TST: variants seen among roughly 807,000 people sequenced by gnomAD.
TST encodes thiosulfate sulfurtransferase.
A neutral mutation model predicts 20.4 loss-of-function variants in TST; 22 were observed. That is an observed-to-expected ratio of 1.08 (90% CI 0.77 to 1.54). The LOEUF is 1.54. Among genes scored for constraint, TST ranks in the 40% most tolerant of loss-of-function variants. TST has a pLI of 0.00. For missense variants in TST, 392 were observed against 405.2 expected, an observed-to-expected ratio of 0.97 and a Z score of 0.28; for synonymous variants, 187 against 173.8, an observed-to-expected ratio of 1.08 and a Z score of -0.60.
At chr22:37,016,915 G>T (rs142856787) in intron 2 of TST, among the ~76,000 whole-genome samples, 265 of 152,370 alleles carry the variant, frequency 1.7e-3, no homozygotes, top group African/African-American at 6.2e-3. Context: ...CCTCTGTCAG[G>T]TGAGGTCACC....
chr22:37,014,226 C>T (rs1196171115), intron 2 of TST, among the ~76,000 whole-genome samples: 2 of 152,294 alleles, frequency 1.3e-5, no homozygotes, highest in South Asian at 2.1e-4. Flanking sequence ...AAAAATCAGC[C>T]AGGTGTGGTG....
rs755230698 is a variant in TST at position 37,011,072 on chromosome 22, G to A, written c.849C>T (p.Ala283=). 29 of 1,612,210 alleles carry A rather than the reference G, an allele frequency of 1.8e-5. No individual in the cohort carries two copies. The South Asian group carries it at 3.1e-4, about 17-fold the overall frequency. The change falls in exon 3 of 3, where the codon GCC becomes GCT. Residue 283 remains alanine, a synonymous_variant. Transcript: ENST00000249042. ...CCTGGGACACACGGCTCTCTGGGGG[G>A]GCCCGGCGAAACCACTCGGACCAGG... The part of the protein sequence containing the change: ...DGSWSEWFRR[A]PPESRVSQGK...
intron 2 of TST, among the ~76,000 whole-genome samples, chr22:37,015,392 CT>C: frequency 6.6e-6 from 1 of 152,376 alleles, no homozygotes; most frequent in African/African-American, 2.4e-5. Context: ...TAAACTCCTA[CT>C]CTGCCTCTCT....
chr22:37,019,795 A>G (rs1404929964), upstream of TST: 7 of 1,038,750 alleles, frequency 6.7e-6, no homozygotes, highest in African/African-American at 1.6e-5. Flanking sequence ...GGAGGAGGGG[A>G]CAGCTGCGGG....
rs368530164 is a variant in TST, at chr22:37,018,217, A to G, written c.516T>C (p.Leu172=). ...CCACCAGCTGGAACCTCTTAGATTC[A>G]AGGTTCTCCAGCACCTGCTCGTAGG... ...LKTYEQVLEN[L]ESKRFQLVDS... Residue 172 remains leucine, a synonymous_variant, in exon 2 of 3, where the codon CTT becomes CTC. Transcript: ENST00000249042. 1.9e-5 allele frequency: 30 copies of G among 1,613,460 alleles called. No homozygotes were observed. Among genetic ancestry groups the G allele is most frequent in the Non-Finnish European group, 2.4e-5 (28 of 1,179,876 alleles).
intron 2 of TST, among the ~76,000 whole-genome samples, chr22:37,015,877 C>A (rs534202439): frequency 1.3e-5 from 2 of 151,828 alleles, no homozygotes; most frequent in Admixed American, 1.3e-4. Context: ...AAGTGCCACA[C>A]CCTCCAGGAT....
intron 2 of TST, chr22:37,013,185 G>A (rs5756482): frequency 0.45 from 67,751 of 152,012 alleles, 15,338 homozygotes; most frequent in Middle Eastern, 0.55. Context: ...CTTTCACCCC[G>A]GGGCCAAAGA....
At chr22:37,018,821 G>A in intron 1 of TST, 68 bp from the exon 2 acceptor site, 1 of 1,126,610 alleles carries the variant, frequency 8.9e-7, no homozygotes, top group Non-Finnish European at 1.2e-6. Flanking sequence ...GCAGTAGGGT[G>A]AGGCCTGGGA....
chr22:37,011,418 G>A (rs373041919), intron 2 of TST, 93 bp from the exon 3 acceptor site: 16 of 1,338,100 alleles, frequency 1.2e-5, no homozygotes, highest in East Asian at 7.0e-5. Flanking sequence ...TGGAAGGATA[G>A]ATAGCTTTGC....
rs369760592 is a variant in TST at position 37,011,581 on chromosome 22, C to T, written c.596-256G>A. Among the ~76,000 whole-genome samples the T allele has an allele frequency of 5.9e-5, 9 of 152,158 alleles. 1 individual carries two copies. The highest frequency in any genetic ancestry group is 2.1e-4 in the South Asian group (1 of 4,832). Reference sequence around the variant, plus strand: ...AAATCACACCTGCTTGAGAAGACAGCGGCATGAGTCTCAGCTCCACTAACC... The same window carrying T: ...AAATCACACCTGCTTGAGAAGACAGTGGCATGAGTCTCAGCTCCACTAACC... On this transcript the variant is annotated intron_variant, in intron 2 of 2. Transcript: ENST00000249042.
chr22:37,016,275 CAT>C (rs1488244104), intron 2 of TST, among the ~76,000 whole-genome samples: 1 of 152,056 alleles, frequency 6.6e-6, no homozygotes, highest in African/African-American at 2.4e-5. Flanking sequence ...AATGCATACT[CAT>C]GTGGGTAGGG....
chr22:37,019,060 G>T, intron 1 of TST: 1 of 273,602 alleles, frequency 3.7e-6, no homozygotes, highest in Admixed American at 4.8e-5. Flanking sequence ...TACAGTACTC[G>T]ATCCCGCCAG....
chr22:37,018,294 G>A lies in TST; in HGVS notation c.439C>T (p.Arg147Cys), dbSNP rs1357489255. The change falls in exon 2 of 3, where the codon CGC (arginine) becomes TGC (cysteine). Residue 147 changes from arginine to cysteine, a missense_variant. Coordinates refer to ENST00000249042, the MANE Select transcript of TST (RefSeq NM_003312.6). ...EGHPVTSEPSRPEPAVFKATL... is the reference protein window; with the variant it reads ...EGHPVTSEPSCPEPAVFKATL... ...GCTTTGAAGACGGCCGGTTCTGGGC[G>A]TGAGGGCTCGGATGTCACCGGGTGG... 9 of 1,614,102 alleles carry A rather than the reference G, an allele frequency of 5.6e-6. No individual in the cohort carries two copies. The highest frequency in any genetic ancestry group is 1.7e-5 in the Admixed American group (1 of 60,024).
chr22:37,019,889 G>C (rs1922926253), upstream of TST: 8 of 1,202,748 alleles, frequency 6.7e-6, no homozygotes, highest in Non-Finnish European at 8.4e-6. Flanking sequence ...GCCGCGGCGT[G>C]GCGGCTTGCC....
At position 37,011,058 on chromosome 22, in the gene TST, C is replaced by T. The variant is rs368128835; in HGVS notation, c.863G>A (p.Arg288His). The change falls in exon 3 of 3, where the codon CGT (arginine) becomes CAT (histidine). Residue 288 changes from arginine (R) to histidine (H), a missense_variant. Transcript: ENST00000249042. ...CTTCTCAGACTTTCCCTGGGACACA[C>T]GGCTCTCTGGGGGGGCCCGGCGAAA... ...EWFRRAPPES[R>H]VSQGKSEKA The T allele has an allele frequency of 5.3e-5, 86 of 1,611,346 alleles. No homozygotes were observed. The highest frequency in any genetic ancestry group is 9.9e-5 in the South Asian group (9 of 90,978).
chr22:37,018,042 A>C (rs1922753115), intron 2 of TST, 96 bp downstream of exon 2: 1 of 946,060 alleles, frequency 1.1e-6, no homozygotes, highest in African/African-American at 1.7e-5. Flanking sequence ...GATTGAAGGC[A>C]TGGGACGGAC....
At position 37,011,024 on chromosome 22, in the gene TST, G is replaced by C. The variant is rs984690171; in HGVS notation, c.*3C>G. ...AGTTACAGTAAGCAGAAGAGGTCAC[G>C]GCTCAGGCCTTCTCAGACTTTCCCT... is the stretch of plus-strand genomic sequence containing the variant. On this transcript the variant is annotated 3_prime_UTR_variant, in exon 3 of 3. Transcript: ENST00000249042. 6.2e-7 allele frequency: 1 copy of C among 1,604,548 alleles called. No homozygotes were observed. Among genetic ancestry groups the C allele is most frequent in the South Asian group, 1.1e-5 (1 of 90,682 alleles).
At chr22:37,013,667 CT>C (rs773810947) in intron 2 of TST, among the ~76,000 whole-genome samples, 1 of 152,124 alleles carries the variant, frequency 6.6e-6, no homozygotes, top group Non-Finnish European at 1.5e-5. Context: ...CAATTTCTTC[CT>C]GTTGTGTTTC....
intron 2 of TST, among the ~76,000 whole-genome samples, chr22:37,012,137 G>C (rs1338469438): frequency 6.6e-6 from 1 of 152,228 alleles, no homozygotes; most frequent in Non-Finnish European, 1.5e-5. Flanking sequence ...GGAAAGCGCT[G>C]GCTTTGGAGG....
Sources: gnomAD v4.1 joint callset for allele counts (sites outside exome capture counted in the v4.1 genomes callset) on GRCh38, gnomAD v4.1.1 for gene constraint, MANE v1.5 for transcripts, NCBI Gene and HGNC (gene_info 2026-07-23, HGNC 2026-07-21) for gene names.